UTRN: variants seen among roughly 807,000 people sequenced by gnomAD.
The protein encoded by UTRN is utrophin.
Under a neutral mutation model 463.9 loss-of-function variants are expected in UTRN, and 283 were observed. The observed-to-expected ratio is 0.61, with a 90% CI of 0.55 to 0.67. UTRN has a LOEUF of 0.67. Ranked by LOEUF, UTRN falls within the 30% of genes least tolerant of loss-of-function variation. The probability of loss-of-function intolerance (pLI) is 0.00; values close to 1 mark genes in which losing one functional copy is unlikely to be tolerated. For synonymous variants in UTRN, 1,442 were observed against 1,431.5 expected (o/e 1.01, Z -0.17); for missense variants, 3,922 against 4,084.3 (o/e 0.96, Z 1.08).
At chr6:144,636,993 G>A (rs886731149) in intron 51 of UTRN, among the ~76,000 whole-genome samples, 14 of 152,098 alleles carry the variant, frequency 9.2e-5, no homozygotes, top group African/African-American at 2.2e-4. Context: ...TTTTTGAGAC[G>A]GAGTCTTCAT....
intron 60 of UTRN, among the ~76,000 whole-genome samples, chr6:144,780,480 A>G (rs962554466): frequency 6.6e-6 from 1 of 152,186 alleles, no homozygotes; most frequent in Non-Finnish European, 1.5e-5. Context: ...ACTGATGTCT[A>G]TGAGCAGACC....
intron 51 of UTRN, among the ~76,000 whole-genome samples, chr6:144,667,748 A>G (rs1235873859): frequency 6.6e-6 from 1 of 152,070 alleles, no homozygotes; most frequent in East Asian, 1.9e-4. Flanking sequence ...TCTTTTTTTC[A>G]CTGAGAATTT....
intron 53 of UTRN, among the ~76,000 whole-genome samples, chr6:144,706,220 G>A (rs1276168431): frequency 1.6e-5 from 2 of 124,918 alleles, no homozygotes; most frequent in African/African-American, 9.0e-5. Context: ...TATATTTCAG[G>A]GCAGCTTTTT....
Position 144,672,893 on chromosome 6 carries a change from A to C in UTRN, c.7480-5513A>C, listed in dbSNP as rs372898137. 9.9e-5 allele frequency among the ~76,000 whole-genome samples: 15 copies of C among 152,222 alleles called. No homozygotes were observed. In the South Asian group the frequency reaches 2.9e-3, roughly 29 times the overall value. On this transcript the variant is annotated intron_variant, in intron 51 of 74. Transcript: ENST00000367545. ...GTCACTATTATTGTTCAGTTCAAAT[A>C]ATTTTTTAATTTCCATCTTGATATC...
chr6:144,790,770 C>T (rs1350379606), intron 62 of UTRN, among the ~76,000 whole-genome samples: 2 of 152,090 alleles, frequency 1.3e-5, no homozygotes, highest in East Asian at 3.8e-4. Flanking sequence ...ATGAAAACAC[C>T]AATGTTACAA....
chr6:144,618,601 CT>C (rs1775018134), intron 51 of UTRN, among the ~76,000 whole-genome samples: 1 of 152,014 alleles, frequency 6.6e-6, no homozygotes, highest in Non-Finnish European at 1.5e-5. Context: ...AACCAAGAAA[CT>C]TTAAAAAAAT....
intron 51 of UTRN, among the ~76,000 whole-genome samples, chr6:144,598,249 A>G (rs1446368542): frequency 6.6e-6 from 1 of 152,180 alleles, no homozygotes; most frequent in Non-Finnish European, 1.5e-5. Flanking sequence ...CAATACGTGT[A>G]AGATGTACAT....
intron 2 of UTRN, among the ~76,000 whole-genome samples, chr6:144,355,315 C>A (rs1248693279): frequency 3.9e-5 from 6 of 152,144 alleles, no homozygotes; most frequent in Non-Finnish European, 7.3e-5. Context: ...CCTCCTACCT[C>A]AGCCTCCAGA....
chr6:144,777,872 T>C (rs1775473843), intron 60 of UTRN, among the ~76,000 whole-genome samples: 2 of 151,944 alleles, frequency 1.3e-5, no homozygotes, highest in South Asian at 4.2e-4. Context: ...CATTAAGTTA[T>C]AGAGTCTGAA....
chr6:144,301,536 CTTTTTTTTTTTTT>C (rs200484231), intron 2 of UTRN, among the ~76,000 whole-genome samples: 2 of 92,744 alleles, frequency 2.2e-5, no homozygotes, highest in African/African-American at 8.1e-5. Flanking sequence ...TTCTTTCTTT[CTTTTTTTTTTTTT>C]TTTTTTTTTT....
In UTRN at chr6:144,700,354, C is replaced by A. The variant is rs80331826; in HGVS notation, c.7809+111C>A. On this transcript the variant is annotated intron_variant, in intron 53 of 74. Coordinates refer to ENST00000367545, the MANE Select transcript of UTRN (RefSeq NM_007124.3). Reference sequence around the variant, plus strand: ...TTGAACCAATTATCACAGGATTCCCCCCCCCACCACCGTCTGCTTTTAGTT... The same window carrying A: ...TTGAACCAATTATCACAGGATTCCCACCCCCACCACCGTCTGCTTTTAGTT... The A allele has an allele frequency of 4.4e-4, 432 of 982,286 alleles. 4 individuals carry two copies. Among genetic ancestry groups the A allele is most frequent in the East Asian group, 6.3e-5 (2 of 31,524 alleles). The allele number at this position is 982,286 out of a possible 1,614,324, so 60.8% of individuals were successfully genotyped here.
chr6:144,497,870 A>G (rs1343319462), intron 33 of UTRN, among the ~76,000 whole-genome samples: 2 of 152,212 alleles, frequency 1.3e-5, no homozygotes. Flanking sequence ...TAATTAAAGT[A>G]ATCAGGGATG....
At chr6:144,354,751 C>G (rs1778407444) in intron 2 of UTRN, among the ~76,000 whole-genome samples, 1 of 152,034 alleles carries the variant, frequency 6.6e-6, no homozygotes, top group African/African-American at 2.4e-5. Flanking sequence ...GTTGGGTGCC[C>G]CTCTTCTCTG....
At chr6:144,801,996 A>G (rs1290380438) in intron 64 of UTRN, among the ~76,000 whole-genome samples, 1 of 152,224 alleles carries the variant, frequency 6.6e-6, no homozygotes, top group East Asian at 1.9e-4. Flanking sequence ...CACCAACATC[A>G]GCAAGAGAGG....
At chr6:144,412,761 A>C (rs544397238) in intron 3 of UTRN, among the ~76,000 whole-genome samples, 5,276 of 109,372 alleles carry the variant, frequency 0.048, 289 homozygotes, top group African/African-American at 0.14. Flanking sequence ...TACACACACC[A>C]TACACACACA....
At chr6:144,512,833 C>A (rs986514430) in intron 35 of UTRN, among the ~76,000 whole-genome samples, 2 of 152,156 alleles carry the variant, frequency 1.3e-5, no homozygotes, top group African/African-American at 4.8e-5. Context: ...AGCCACCACA[C>A]CCAGCCTACA....
At chr6:144,587,576 T>C (rs1802588612) in intron 51 of UTRN, among the ~76,000 whole-genome samples, 2 of 152,154 alleles carry the variant, frequency 1.3e-5, no homozygotes, top group South Asian at 2.1e-4. Context: ...GTAGTTAAGG[T>C]TGAGTATGTG....
chr6:144,560,413 G>A (rs770628937), intron 50 of UTRN, among the ~76,000 whole-genome samples: 1 of 151,972 alleles, frequency 6.6e-6, no homozygotes, highest in Admixed American at 6.6e-5. Flanking sequence ...TGAAAGATAC[G>A]GGGCCTTTTT....
chr6:144,480,072 A>C lies in UTRN; in HGVS notation c.3507+90A>C, dbSNP rs938514766. The C allele has an allele frequency of 2.1e-6, 3 of 1,434,360 alleles. No homozygotes were observed. The African/African-American group carries it at 4.3e-5, about 21-fold the overall frequency. The allele number at this position is 1,434,360 out of a possible 1,614,324, so 88.9% of individuals were successfully genotyped here. On this transcript the variant is annotated intron_variant, in intron 26 of 74. Transcript: ENST00000367545. ...TCAATCATCTGTCTATCTGTCAAACACTATGTGCATGTAGCATCTTTCACA... is the reference window on the plus strand; with the variant it reads ...TCAATCATCTGTCTATCTGTCAAACCCTATGTGCATGTAGCATCTTTCACA...
Sources: gnomAD v4.1 joint callset for allele counts (sites outside exome capture counted in the v4.1 genomes callset) on GRCh38, gnomAD v4.1.1 for gene constraint, MANE v1.5 for transcripts, NCBI Gene and HGNC (gene_info 2026-07-23, HGNC 2026-07-21) for gene names.